CPA4: variants seen among roughly 807,000 people sequenced by gnomAD.
The protein encoded by CPA4 is carboxypeptidase A3.
CPA4 carries 49 observed loss-of-function variants against 54.7 expected under a neutral mutation model. The ratio of observed to expected loss-of-function variants is 0.90; its 90% confidence interval spans 0.71 to 1.14. The LOEUF (loss-of-function observed/expected upper bound fraction) is 1.14. Among genes scored for constraint, CPA4 ranks in the 50% most tolerant of loss-of-function variants. The probability of loss-of-function intolerance (pLI) is 0.00; values close to 1 mark genes in which losing one functional copy is unlikely to be tolerated. For missense variants in CPA4, 487 were observed against 525.1 expected (o/e 0.93, Z 0.71); for synonymous variants, 215 against 206.8 (o/e 1.04, Z -0.34).
chr7:130,315,549 A>C (rs1263756121), intron 10 of CPA4, among the ~76,000 whole-genome samples: 1 of 152,120 alleles, frequency 6.6e-6, no homozygotes, highest in African/African-American at 2.4e-5. Flanking sequence ...TTGATAAATG[A>C]ATTCAGGGCC....
At chr7:130,316,327 T>C (rs1793986286) in intron 10 of CPA4, among the ~76,000 whole-genome samples, 1 of 152,226 alleles carries the variant, frequency 6.6e-6, no homozygotes, top group South Asian at 2.1e-4. Context: ...GATGATGTTA[T>C]AGGCATATTT....
At chr7:130,322,313 A>G (rs192584280) in intron 10 of CPA4, among the ~76,000 whole-genome samples, 176 bp from the exon 11 acceptor site, 1 of 152,144 alleles carries the variant, frequency 6.6e-6, no homozygotes, top group Non-Finnish European at 1.5e-5. Flanking sequence ...CCTCAGGCCA[A>G]TGCAGGATGT....
Position 130,322,861 on chromosome 7 carries a change from GT to G in CPA4, c.*187del. On this transcript the variant is annotated 3_prime_UTR_variant, in exon 11 of 11. Coordinates refer to ENST00000222482, the MANE Select transcript of CPA4 (RefSeq NM_016352.4). The stretch of plus-strand genomic sequence containing the variant: ...CCTGGCAGTGTCCCTGCAAGAACTG[GT>G]TCTGCCAGCCTGCTCAATTTTGGTC... 1 of 512,848 alleles carries G rather than the reference GT, an allele frequency of 1.9e-6. No homozygotes were observed. The highest frequency in any genetic ancestry group is 3.3e-6 in the Non-Finnish European group (1 of 298,714). 31.8% of individuals were successfully genotyped at this position (512,848 alleles called of 1,614,324 possible).
At chr7:130,322,390 A>G (rs1794123118) in intron 10 of CPA4, 99 bp from the exon 11 acceptor site, 1 of 941,534 alleles carries the variant, frequency 1.1e-6, no homozygotes, top group Non-Finnish European at 1.6e-6. Flanking sequence ...CAAACTCTGG[A>G]TTCCTTAAGG....
intron 4 of CPA4, 34 bp from the exon 5 acceptor site, chr7:130,304,444 A>T (rs1251836178): frequency 3.1e-6 from 4 of 1,280,300 alleles, no homozygotes; most frequent in Non-Finnish European, 2.3e-6. Flanking sequence ...GCAGATTTTT[A>T]AAATGTCCCT....
At chr7:130,306,211 G>A in intron 6 of CPA4, 1 of 446,262 alleles carries the variant, frequency 2.2e-6, no homozygotes, top group Non-Finnish European at 4.1e-6. Flanking sequence ...CCCAGACAAG[G>A]CCCCATAGAC....
chr7:130,316,010 T>C (rs1011386908), intron 10 of CPA4, among the ~76,000 whole-genome samples: 3 of 152,068 alleles, frequency 2.0e-5, no homozygotes, highest in Non-Finnish European at 4.4e-5. Flanking sequence ...TCAACCAGTA[T>C]GGGGGTTTGA....
chr7:130,308,848 G>A (rs1346270776), intron 8 of CPA4, among the ~76,000 whole-genome samples: 2 of 135,280 alleles, frequency 1.5e-5, no homozygotes, highest in African/African-American at 3.3e-5. Context: ...ACCTAGCCCA[G>A]CCTTTTTTTT....
At chr7:130,307,891 T>C (rs1171642579) in intron 7 of CPA4, among the ~76,000 whole-genome samples, 1 of 152,188 alleles carries the variant, frequency 6.6e-6, no homozygotes, top group Non-Finnish European at 1.5e-5. Context: ...TATTTCCTGT[T>C]CATAGATTGC....
chr7:130,310,814 C>A lies in CPA4; in HGVS notation c.821C>A (p.Ser274Tyr), dbSNP rs1386337685. The A allele has an allele frequency of 1.2e-5, 19 of 1,614,204 alleles. No individual in the cohort carries two copies. The highest frequency in any genetic ancestry group is 1.5e-5 in the Non-Finnish European group (18 of 1,180,024). The stretch of plus-strand genomic sequence containing the variant: ...AAGGGAGCCAGCGACAACCCTTGCT[C>A]CGAAGTGTACCATGGACCCCACGCC... ...AGKGASDNPC[S>Y]EVYHGPHANS... Residue 274 changes from serine to tyrosine, a missense_variant, in exon 9 of 11, where the codon TCC (serine) becomes TAC (tyrosine). Transcript: ENST00000222482. The surrounding 1 kb of genome is among the most constrained non-coding windows in gnomAD (Gnocchi z 4.3).
chr7:130,298,024 G>T (rs1465478812), intron 1 of CPA4, among the ~76,000 whole-genome samples: 1 of 152,126 alleles, frequency 6.6e-6, no homozygotes, highest in Non-Finnish European at 1.5e-5. Flanking sequence ...GTCCTTTAAG[G>T]GTCCCCTCTC....
chr7:130,311,941 G>GA (rs1254658409), intron 9 of CPA4, 97 bp from the exon 10 acceptor site: 9 of 876,706 alleles, frequency 1.0e-5, no homozygotes, highest in African/African-American at 1.6e-5. Context: ...AATCGGGGGG[G>GA]GCTGAGAATC....
In CPA4 at chr7:130,310,636, A is replaced by T. The variant is rs1793895973; in HGVS notation, c.794-151A>T. On this transcript the variant is annotated intron_variant, in intron 8 of 10. Coordinates refer to ENST00000222482, the MANE Select transcript of CPA4 (RefSeq NM_016352.4). This position sits in a 1 kb window ranked among gnomAD's most constrained non-coding sequence, Gnocchi z 4.3. ...CCTCCCTCTTCCATGCCTTCTCTGC[A>T]GTCCACACCCACCATGGACTAGGTG... is the stretch of plus-strand genomic sequence containing the variant. The T allele has an allele frequency of 1.5e-6, 1 of 661,210 alleles. No individual in the cohort carries two copies. The highest frequency in any genetic ancestry group is 1.8e-5 in the African/African-American group (1 of 55,706). The allele number at this position is 661,210 out of a possible 1,614,324, so 41.0% of individuals were successfully genotyped here.
chr7:130,311,914 C>A, intron 9 of CPA4, 124 bp from the exon 10 acceptor site: 1 of 722,882 alleles, frequency 1.4e-6, no homozygotes, highest in Non-Finnish European at 2.4e-6. Context: ...GAAGGGGAAA[C>A]AAGGGACCAG....
At chr7:130,322,327 G>A (rs547753672) in intron 10 of CPA4, among the ~76,000 whole-genome samples, 162 bp from the exon 11 acceptor site, 1 of 152,264 alleles carries the variant, frequency 6.6e-6, no homozygotes, top group Admixed American at 6.5e-5. Flanking sequence ...AGGATGTCCT[G>A]AGACATAGGG....
chr7:130,295,870 T>C (rs1793640530), intron 1 of CPA4, among the ~76,000 whole-genome samples: 1 of 152,130 alleles, frequency 6.6e-6, no homozygotes, highest in African/African-American at 2.4e-5. Context: ...TCCCAGCTAC[T>C]TGGGAGGCTG....
At chr7:130,296,183 A>C (rs1003434848) in intron 1 of CPA4, among the ~76,000 whole-genome samples, 4 of 152,180 alleles carry the variant, frequency 2.6e-5, no homozygotes, top group African/African-American at 9.7e-5. Flanking sequence ...CGTGTACAAA[A>C]GCATACAAAA....
chr7:130,306,897 A>T lies in CPA4; in HGVS notation c.702A>T (p.Gln234His). The T allele has an allele frequency of 6.7e-7, 1 of 1,500,190 alleles. No homozygotes were observed. Among genetic ancestry groups the T allele is most frequent in the Non-Finnish European group, 9.3e-7 (1 of 1,076,172 alleles). The allele number at this position is 1,500,190 out of a possible 1,614,324, so 92.9% of individuals were successfully genotyped here. A position where few individuals can be genotyped will look rare whatever the true frequency, so the allele number is the denominator to read the frequency against. Residue 234 changes from glutamine to histidine, a missense_variant and splice_region_variant, in exon 7 of 11, where the codon CAA becomes CAT. Physicochemically the swap from Gln to His is conservative, Grantham distance 24. Coordinates refer to ENST00000222482, the MANE Select transcript of CPA4 (RefSeq NM_016352.4). Reference sequence around the variant, plus strand: ...ATGGATATGTGTATACTCAAACTCAAGTGAGTATTCCCAAATGGGCTGGGC... The same window carrying T: ...ATGGATATGTGTATACTCAAACTCATGTGAGTATTCCCAAATGGGCTGGGC... ...NPDGYVYTQT[Q>H]NRLWRKTRSR...
intron 4 of CPA4, among the ~76,000 whole-genome samples, chr7:130,303,527 G>A (rs532968328): frequency 6.6e-6 from 1 of 152,202 alleles, no homozygotes; most frequent in Non-Finnish European, 1.5e-5. Context: ...GTCTGTGTGT[G>A]TGTACATGTA....
Sources: allele counts gnomAD v4.1 joint callset (sites outside exome capture counted in the v4.1 genomes callset), GRCh38; gene constraint gnomAD v4.1.1; non-coding constraint Gnocchi (gnomAD v3.1); transcripts MANE v1.5; gene names NCBI Gene and HGNC (gene_info 2026-07-23, HGNC 2026-07-21).